Variants in BCAR3 observed in about 807,000 individuals in gnomAD.
BCAR3 encodes breast cancer anti-estrogen resistance protein 3.
A neutral mutation model predicts 80.1 loss-of-function variants in BCAR3; 37 were observed. The ratio of observed to expected loss-of-function variants is 0.46; its 90% confidence interval spans 0.36 to 0.61. The LOEUF (loss-of-function observed/expected upper bound fraction) is 0.61. Among genes scored for constraint, BCAR3 ranks in the 20% least tolerant of loss-of-function variants. The pLI, the probability that BCAR3 is intolerant of heterozygous loss-of-function variation, is 0.00. For missense variants in BCAR3, 978 were observed against 1,068.2 expected (o/e 0.92, Z 1.18); for synonymous variants, 389 against 418.9 (o/e 0.93, Z 0.87).
At chr1:93,620,597 A>C (rs930362548) in intron 3 of BCAR3, among the ~76,000 whole-genome samples, 1 of 151,894 alleles carries the variant, frequency 6.6e-6, no homozygotes, top group Admixed American at 6.6e-5. Context: ...GCAGAATTGG[A>C]CTTCAGCCTC....
chr1:93,567,524 CAT>C (rs1557834092), intron 10 of BCAR3, 33 bp from the exon 11 acceptor site: 14 of 1,605,080 alleles, frequency 8.7e-6, no homozygotes, highest in East Asian at 4.5e-5. Context: ...TTCCATATCA[CAT>C]GTTTTCCAAA....
chr1:93,615,226 T>C (rs1675076051), intron 3 of BCAR3, among the ~76,000 whole-genome samples: 1 of 151,750 alleles, frequency 6.6e-6, no homozygotes, highest in African/African-American at 2.4e-5. Flanking sequence ...ATGAGGGAGG[T>C]ATGAGAAATA....
chr1:93,680,584 C>T (rs1352285335), intron 1 of BCAR3, among the ~76,000 whole-genome samples: 1 of 152,224 alleles, frequency 6.6e-6, no homozygotes, highest in Non-Finnish European at 1.5e-5. Context: ...CCTCGGCCAG[C>T]GTACTTTCCT....
At chr1:93,734,480 C>T (rs137964647) in intron 2 of BCAR3, among the ~76,000 whole-genome samples, 13 of 152,202 alleles carry the variant, frequency 8.5e-5, no homozygotes, top group African/African-American at 2.4e-4. Flanking sequence ...GGGAGACACA[C>T]AAGAGTGTGC....
In BCAR3 at chr1:93,582,439, C is replaced by T; in HGVS notation, c.1548G>A (p.Arg516=). The T allele has an allele frequency of 2.5e-6, 4 of 1,614,206 alleles. No homozygotes were observed. The highest frequency in any genetic ancestry group is 3.4e-6 in the Non-Finnish European group (4 of 1,180,038). The change falls in exon 7 of 12, where the codon AGG becomes AGA. Residue 516 remains arginine (R), a synonymous_variant. Transcript: ENST00000260502. The part of the protein sequence containing the change: ...TPLLETVSSF[R]PNEFESKFLP... Reference sequence around the variant, plus strand: ...GGAACTTTGACTCAAACTCGTTGGGCCTGAAGGAGGAGACAGTCTCCAGGA... The same window carrying T: ...GGAACTTTGACTCAAACTCGTTGGGTCTGAAGGAGGAGACAGTCTCCAGGA...
rs1416888954 is a variant in BCAR3 at position 93,580,582 on chromosome 1, A to C, written c.1686+1719T>G. Among the ~76,000 whole-genome samples, 5 of 152,164 alleles carry C rather than the reference A, an allele frequency of 3.3e-5. No individual in the cohort carries two copies. In the East Asian group the frequency reaches 9.6e-4, roughly 29 times the overall value. On this transcript the variant is annotated intron_variant, in intron 7 of 11. Transcript: ENST00000260502. ...TTTTCCTTGCCATTATTCCCTAAATAATGCAGTATAATAGCTATTTACAAA... is the reference window on the plus strand; with the variant it reads ...TTTTCCTTGCCATTATTCCCTAAATCATGCAGTATAATAGCTATTTACAAA...
intron 2 of BCAR3, among the ~76,000 whole-genome samples, chr1:93,760,738 G>A (rs931100764): frequency 6.6e-6 from 1 of 152,162 alleles, no homozygotes; most frequent in Non-Finnish European, 1.5e-5. Context: ...GGCAGCCCCA[G>A]ACTCATCTCC....
chr1:93,613,848 T>C (rs1204647772), intron 3 of BCAR3: 1 of 1,550,312 alleles, frequency 6.5e-7, no homozygotes, highest in African/African-American at 1.4e-5. Flanking sequence ...CAAACCTACC[T>C]TGACTCCAAT....
intron 2 of BCAR3, among the ~76,000 whole-genome samples, chr1:93,822,270 CA>C: frequency 6.7e-6 from 1 of 149,678 alleles, no homozygotes. Context: ...CTCCACCTCC[CA>C]GGTTCAAGCG....
intron 2 of BCAR3, among the ~76,000 whole-genome samples, chr1:93,809,085 T>C (rs1310228122): frequency 6.6e-6 from 1 of 152,084 alleles, no homozygotes; most frequent in Non-Finnish European, 1.5e-5. Flanking sequence ...AAGTGCTCCT[T>C]TGACAAAGTG....
upstream of BCAR3, among the ~76,000 whole-genome samples, chr1:93,685,502 ACT>A (rs1648945083): frequency 6.6e-6 from 1 of 152,132 alleles, no homozygotes; most frequent in South Asian, 2.1e-4. Flanking sequence ...GTACAGAGGG[ACT>A]CTCTTCATTC....
intron 2 of BCAR3, among the ~76,000 whole-genome samples, chr1:93,744,055 AG>A (rs1283935219): frequency 6.6e-6 from 1 of 152,172 alleles, no homozygotes; most frequent in Non-Finnish European, 1.5e-5. Flanking sequence ...ATGCAAGAAT[AG>A]CCCCCACCAC....
chr1:93,763,316 G>A (rs182654895), intron 2 of BCAR3, among the ~76,000 whole-genome samples: 59 of 152,036 alleles, frequency 3.9e-4, no homozygotes, highest in African/African-American at 2.7e-4. Flanking sequence ...CTCCTGCCTC[G>A]GCCTCCCAAA....
chr1:93,583,933 T>A (rs1243046758), intron 6 of BCAR3, 85 bp downstream of exon 6: 5 of 1,354,516 alleles, frequency 3.7e-6, no homozygotes, highest in Non-Finnish European at 5.2e-6. Flanking sequence ...CGTTTTCGAA[T>A]GAGACAACTA....
At position 93,722,696 on chromosome 1, in the gene BCAR3, G is replaced by C. The variant is rs544621025; in HGVS notation, c.-62-16554C>G. Among the ~76,000 whole-genome samples, 4 of 152,320 alleles carry C rather than the reference G, an allele frequency of 2.6e-5. No homozygotes were observed. In the South Asian group the frequency reaches 8.3e-4, roughly 32 times the overall value. ...GGGACTGGTGGGCTGTGAGGGAACA[G>C]AGGAGGCTTGTGTTCCGGGCTGGGC... On this transcript the variant is annotated intron_variant, in intron 2 of 13. Transcript: ENST00000370244.
chr1:93,666,929 A>C (rs774248743), intron 2 of BCAR3, among the ~76,000 whole-genome samples: 2 of 152,158 alleles, frequency 1.3e-5, no homozygotes, highest in Non-Finnish European at 2.9e-5. Context: ...CCAAAGGATT[A>C]GGCACCTCCC....
intron 3 of BCAR3, among the ~76,000 whole-genome samples, chr1:93,630,757 G>A (rs1675594709): frequency 6.6e-6 from 1 of 152,220 alleles, no homozygotes; most frequent in African/African-American, 2.4e-5. Flanking sequence ...AGTGAAATGT[G>A]TCAAATGAAC....
intron 2 of BCAR3, among the ~76,000 whole-genome samples, chr1:93,726,461 G>A (rs1351486916): frequency 6.6e-6 from 1 of 152,192 alleles, no homozygotes; most frequent in African/African-American, 2.4e-5. Flanking sequence ...GGATTGTGAG[G>A]GGAATTGCAT....
At chr1:93,735,361 C>G (rs909084999) in intron 2 of BCAR3, among the ~76,000 whole-genome samples, 1 of 152,208 alleles carries the variant, frequency 6.6e-6, no homozygotes, top group African/African-American at 2.4e-5. Flanking sequence ...ACCCTCCTCT[C>G]CCACTCCTCA....
Sources: gnomAD v4.1 joint callset for allele counts (sites outside exome capture counted in the v4.1 genomes callset) on GRCh38, gnomAD v4.1.1 for gene constraint, MANE v1.5 for transcripts, NCBI Gene and HGNC (gene_info 2026-07-23, HGNC 2026-07-21) for gene names.